NAA16: variants seen among roughly 807,000 people sequenced by gnomAD.
NAA16 encodes the protein N-alpha-acetyltransferase 16, NatA auxiliary subunit.
A neutral mutation model predicts 110.3 loss-of-function variants in NAA16; 97 were observed. That is an observed-to-expected ratio of 0.88 (90% confidence interval 0.75 to 1.04). The LOEUF (loss-of-function observed/expected upper bound fraction) is 1.04, where lower values mean the gene tolerates loss of function less well. NAA16 is among the 50% of genes least tolerant of loss of function. The pLI is 0.00. For missense variants in NAA16, 1,017 were observed against 1,005.1 expected, an observed-to-expected ratio of 1.01 and a Z score of -0.16; for synonymous variants, 372 against 330.6, an observed-to-expected ratio of 1.13 and a Z score of -1.36.
intron 13 of NAA16, among the ~76,000 whole-genome samples, chr13:41,366,422 T>C (rs890715637): frequency 2.0e-5 from 3 of 152,152 alleles, no homozygotes; most frequent in African/African-American, 7.2e-5. Flanking sequence ...TATTGGTGTA[T>C]TGAATCACTC....
chr13:41,360,389 A>G (rs780122696), intron 12 of NAA16, among the ~76,000 whole-genome samples: 6 of 152,184 alleles, frequency 3.9e-5, no homozygotes, highest in African/African-American at 1.4e-4. Flanking sequence ...GTTCCAGACA[A>G]TTCTGATAAG....
At chr13:41,328,923 A>G in intron 7 of NAA16, 80 bp downstream of exon 7, 1 of 1,264,036 alleles carries the variant, frequency 7.9e-7, no homozygotes, top group Non-Finnish European at 1.1e-6. Context: ...AATACTTGGG[A>G]ACAAATAATT....
At position 41,320,664 on chromosome 13, in the gene NAA16, T is replaced by C; in HGVS notation, c.245-3T>C. ...GTATGTCTTTGTTTCCTTAACTTAA[T>C]AGGTTGGCATGTATATGGACTCTTG... is the stretch of plus-strand genomic sequence containing the variant. On this transcript the variant is annotated splice_polypyrimidine_tract_variant and splice_region_variant and intron_variant, in intron 3 of 19. Coordinates refer to ENST00000379406, the MANE Select transcript of NAA16 (RefSeq NM_024561.5). The C allele has an allele frequency of 6.3e-7, 1 of 1,594,306 alleles. No homozygotes were observed. The highest frequency in any genetic ancestry group is 1.4e-5 in the African/African-American group (1 of 74,010).
intron 9 of NAA16, among the ~76,000 whole-genome samples, chr13:41,351,412 A>C (rs2139471874): frequency 6.6e-6 from 1 of 152,276 alleles, no homozygotes; most frequent in East Asian, 1.9e-4. Flanking sequence ...TTATATCAGA[A>C]CCTAATTCAG....
intron 9 of NAA16, among the ~76,000 whole-genome samples, chr13:41,352,209 G>C (rs2042854348): frequency 6.6e-6 from 1 of 152,134 alleles, no homozygotes; most frequent in South Asian, 2.1e-4. Context: ...AGGTGTGGTG[G>C]TGCATGCCTG....
Position 41,328,827 on chromosome 13 carries a change from A to G in NAA16, c.795A>G (p.Glu265=), listed in dbSNP as rs2042160115. ...AENWCYYEGL[E]KALQISTLEE... The stretch of plus-strand genomic sequence containing the variant: ...ATTGGTGTTATTATGAAGGCTTGGA[A>G]AAAGCTCTACAAATTAGTATGTAAT... The change falls in exon 7 of 20, where the codon GAA becomes GAG. Residue 265 remains glutamate (E), a synonymous_variant. Transcript: ENST00000379406. The G allele has an allele frequency of 1.2e-6, 2 of 1,602,652 alleles. No homozygotes were observed. Among genetic ancestry groups the G allele is most frequent in the East Asian group, 2.2e-5 (1 of 44,670 alleles).
chr13:41,347,452 A>C (rs993144961), intron 9 of NAA16, among the ~76,000 whole-genome samples: 4 of 152,076 alleles, frequency 2.6e-5, no homozygotes, highest in African/African-American at 9.7e-5. Flanking sequence ...AAGTATCCTC[A>C]ACTTAACAAT....
intron 9 of NAA16, among the ~76,000 whole-genome samples, chr13:41,351,360 AACTAGCCCCTTCAGC>A (rs2042830809): frequency 6.6e-6 from 1 of 152,152 alleles, no homozygotes; most frequent in African/African-American, 2.4e-5. Context: ...TTACCTCTGT[AACTAGCCCCTTCAGC>A]ACCAAAATTA....
intron 5 of NAA16, among the ~76,000 whole-genome samples, chr13:41,323,994 C>G (rs1593422359): frequency 6.6e-6 from 1 of 152,168 alleles, no homozygotes; most frequent in Non-Finnish European, 1.5e-5. Flanking sequence ...TTTATGGATA[C>G]TCTAGACTTG....
At chr13:41,322,289 A>T (rs979473037) in intron 4 of NAA16, among the ~76,000 whole-genome samples, 1 of 152,122 alleles carries the variant, frequency 6.6e-6, no homozygotes, top group African/African-American at 2.4e-5. Flanking sequence ...GTCAAAGAAC[A>T]AGGGTAGGAG....
chr13:41,361,813 A>C (rs2043117242), intron 12 of NAA16, among the ~76,000 whole-genome samples: 1 of 152,246 alleles, frequency 6.6e-6, no homozygotes, highest in African/African-American at 2.4e-5. Context: ...TAATATCTTT[A>C]GACCATGGTC....
intron 6 of NAA16, 50 bp downstream of exon 6, chr13:41,325,901 C>G: frequency 6.9e-7 from 1 of 1,459,028 alleles, no homozygotes; most frequent in Non-Finnish European, 9.3e-7. Context: ...AACAAAAAAA[C>G]TATATATTTT....
At chr13:41,358,997 A>C (rs768775838) in intron 12 of NAA16, 35 bp downstream of exon 12, 28 of 1,506,678 alleles carry the variant, frequency 1.9e-5, no homozygotes, top group Non-Finnish European at 2.3e-5. Flanking sequence ...GTAATTGTCT[A>C]AATTAAGACA....
At chr13:41,312,266 C>T (rs998513359) in intron 1 of NAA16, among the ~76,000 whole-genome samples, 5 of 152,206 alleles carry the variant, frequency 3.3e-5, no homozygotes, top group Admixed American at 1.3e-4. Flanking sequence ...ACAGGCCTTG[C>T]TTGAGTAATT....
intron 14 of NAA16, among the ~76,000 whole-genome samples, chr13:41,368,196 A>T (rs2043244992): frequency 6.6e-6 from 1 of 152,216 alleles, no homozygotes; most frequent in African/African-American, 2.4e-5. Context: ...AAATAAGAAT[A>T]TCAGTGAGAA....
chr13:41,361,756 C>A (rs897724729), intron 12 of NAA16, among the ~76,000 whole-genome samples: 6 of 152,182 alleles, frequency 3.9e-5, no homozygotes, highest in Non-Finnish European at 8.8e-5. Flanking sequence ...TTCAGAATGG[C>A]ATGCAGTTGA....
rs1213254280 is a variant in NAA16 at position 41,311,696 on chromosome 13, C to T, written c.54+114C>T. 6.1e-6 allele frequency: 6 copies of T among 978,920 alleles called. No homozygotes were observed. In the East Asian group the frequency reaches 1.7e-4, roughly 28 times the overall value. 60.6% of individuals were successfully genotyped at this position (978,920 alleles called of 1,614,324 possible). Reference sequence around the variant, plus strand: ...CAGGCTTGGCCTCCGCTGCCCACCGCTCTTTGTTTACCTCGGAGGTCGCGG... The same window carrying T: ...CAGGCTTGGCCTCCGCTGCCCACCGTTCTTTGTTTACCTCGGAGGTCGCGG... On this transcript the variant is annotated intron_variant, in intron 1 of 19. Transcript: ENST00000379406.
intron 11 of NAA16, 28 bp from the exon 12 acceptor site, chr13:41,358,782 T>C (rs2043048870): frequency 6.5e-7 from 1 of 1,544,820 alleles, no homozygotes; most frequent in South Asian, 1.3e-5. Context: ...TGATTATAAA[T>C]TGTGGTTCCT....
chr13:41,331,198 T>G, intron 7 of NAA16, 76 bp from the exon 8 acceptor site: 1 of 865,964 alleles, frequency 1.2e-6, no homozygotes, highest in Non-Finnish European at 1.8e-6. Flanking sequence ...ATAACAAAAT[T>G]TTAGAAGTTT....
Sources: gnomAD v4.1 joint callset for allele counts (sites outside exome capture counted in the v4.1 genomes callset) on GRCh38, gnomAD v4.1.1 for gene constraint, MANE v1.5 for transcripts, NCBI Gene and HGNC (gene_info 2026-07-23, HGNC 2026-07-21) for gene names.